ZCWPW1: variants seen among roughly 807,000 people sequenced by gnomAD.
The protein encoded by ZCWPW1 is zinc finger CW-type PWWP domain protein 1.
A neutral mutation model predicts 81.3 loss-of-function variants in ZCWPW1; 56 were observed. The ratio of observed to expected loss-of-function variants is 0.69; its 90% CI spans 0.56 to 0.86. The LOEUF is 0.86. Ranked by LOEUF, ZCWPW1 falls within the 40% of genes least tolerant of loss-of-function variation. The pLI, the probability that ZCWPW1 is intolerant of heterozygous loss-of-function variation, is 0.00. For synonymous variants in ZCWPW1, 250 were observed against 273.7 expected (o/e 0.91, Z 0.86); for missense variants, 650 against 769.8 (o/e 0.84, Z 1.84).
intron 4 of ZCWPW1, 115 bp from the exon 5 acceptor site, chr7:100,419,304 G>T: frequency 1.1e-6 from 1 of 887,890 alleles, no homozygotes; most frequent in Non-Finnish European, 1.7e-6. Context: ...CGGAAGGCAT[G>T]CAGTCAGCAT....
At position 100,409,502 on chromosome 7, in the gene ZCWPW1, C is replaced by T. The variant is rs1450524791; in HGVS notation, c.797G>A (p.Gly266Glu). ...GTTCCCACACAGCCGCCTCCATTTC[C>T]CACAGTTTGGGAAGGAACACTGGAC... ...VWVQCSFPNCGKWRRLCGNID... is the reference protein window; with the variant it reads ...VWVQCSFPNCEKWRRLCGNID... Residue 266 changes from glycine (G) to glutamate (E), a missense_variant, in exon 9 of 18, where the codon GGG becomes GAG. Coordinates refer to ENST00000684423, the MANE Select transcript of ZCWPW1 (RefSeq NM_001386010.1). The T allele has an allele frequency of 5.0e-6, 8 of 1,614,088 alleles. No homozygotes were observed. The East Asian group carries it at 1.8e-4, about 36-fold the overall frequency.
In ZCWPW1 at chr7:100,417,087, G is replaced by A. The variant is rs375547579; in HGVS notation, c.458C>T (p.Thr153Ile). The A allele has an allele frequency of 2.5e-6, 4 of 1,613,966 alleles. No individual in the cohort carries two copies. Among genetic ancestry groups the A allele is most frequent in the Non-Finnish European group, 2.5e-6 (3 of 1,179,898 alleles). The change falls in exon 6 of 18, where the codon ACT becomes ATT. Residue 153 changes from threonine (T) to isoleucine (I), a missense_variant. Coordinates refer to ENST00000684423, the MANE Select transcript of ZCWPW1 (RefSeq NM_001386010.1). The part of the protein sequence containing the change: ...DKEPGITASA[T>I]DTDNANGEEV... ...TTACCCATTAGCATTATCAGTATCA[G>A]TAGCAGAAGCAGTAATTCCTGGCTC...
chr7:100,419,578 G>A (rs1338682538), intron 4 of ZCWPW1, 52 bp downstream of exon 4: 1 of 1,553,068 alleles, frequency 6.4e-7, no homozygotes. Flanking sequence ...GCCTGAGCCA[G>A]GGGTAAGGTA....
At chr7:100,407,394 A>G (rs966376772) in intron 10 of ZCWPW1, 91 bp from the exon 11 acceptor site, 2 of 1,197,226 alleles carry the variant, frequency 1.7e-6, no homozygotes, top group Non-Finnish European at 2.4e-6. Context: ...AGAGAAGAGC[A>G]GTATGATTTT....
At position 100,416,313 on chromosome 7, in the gene ZCWPW1, T is replaced by C; in HGVS notation, c.623A>G (p.Lys208Arg). 6.2e-7 allele frequency: 1 copy of C among 1,614,054 alleles called. No homozygotes were observed. The highest frequency in any genetic ancestry group is 8.5e-7 in the Non-Finnish European group (1 of 1,180,000). The change falls in exon 7 of 18, where the codon AAG becomes AGG. Residue 208 changes from lysine to arginine, a missense_variant. Physicochemically the swap from Lys to Arg is conservative, Grantham distance 26. Coordinates refer to ENST00000684423, the MANE Select transcript of ZCWPW1 (RefSeq NM_001386010.1). ...SNRLTLSKRK[K>R]EAQDEKVEKT... ...TATCTGACTGTACTTACGAGCTTCC[T>C]TCTTTCTTTTGCTTAAGGTGAGTCT...
intron 1 of ZCWPW1, among the ~76,000 whole-genome samples, chr7:100,426,037 CT>C (rs1176997100): frequency 6.6e-6 from 1 of 152,164 alleles, no homozygotes; most frequent in Non-Finnish European, 1.5e-5. Flanking sequence ...GTAATTCTCT[CT>C]CCCCACACAC....
At chr7:100,417,311 C>T in intron 5 of ZCWPW1, 128 bp from the exon 6 acceptor site, 1 of 614,584 alleles carries the variant, frequency 1.6e-6, no homozygotes, top group Non-Finnish European at 2.8e-6. Flanking sequence ...TATCACAGAA[C>T]TTTAAATATT....
At chr7:100,402,126 T>G in intron 16 of ZCWPW1, 85 bp from the exon 17 acceptor site, 1 of 1,498,534 alleles carries the variant, frequency 6.7e-7, no homozygotes, top group South Asian at 1.3e-5. Context: ...GTTTCTGCCC[T>G]GCCCCACATC....
intron 8 of ZCWPW1, among the ~76,000 whole-genome samples, chr7:100,414,486 G>A (rs1027578549): frequency 1.3e-5 from 2 of 152,138 alleles, no homozygotes; most frequent in East Asian, 1.9e-4. Flanking sequence ...CACAATCATC[G>A]CTCACTGCAG....
chr7:100,408,736 A>T, intron 9 of ZCWPW1, 77 bp from the exon 10 acceptor site: 1 of 1,535,862 alleles, frequency 6.5e-7, no homozygotes, highest in Non-Finnish European at 8.7e-7. Context: ...CTGGGGAGAG[A>T]ACAAGAAGGA....
intron 8 of ZCWPW1, among the ~76,000 whole-genome samples, chr7:100,410,193 C>T (rs528607544): frequency 1.3e-5 from 2 of 152,274 alleles, no homozygotes; most frequent in South Asian, 2.1e-4. Flanking sequence ...GACCCATGTC[C>T]CTCAGCCTCT....
chr7:100,424,349 C>T (rs1411763759), intron 2 of ZCWPW1, among the ~76,000 whole-genome samples: 1 of 152,074 alleles, frequency 6.6e-6, no homozygotes, highest in East Asian at 1.9e-4. Flanking sequence ...ATCAAAATGC[C>T]TCTGGGGAGT....
At chr7:100,411,027 ATTGAG>A (rs1427464011) in intron 8 of ZCWPW1, among the ~76,000 whole-genome samples, 1 of 152,250 alleles carries the variant, frequency 6.6e-6, no homozygotes, top group Non-Finnish European at 1.5e-5. Context: ...CACTCAAGCA[ATTGAG>A]TTGACAGAGA....
intron 8 of ZCWPW1, among the ~76,000 whole-genome samples, chr7:100,414,130 T>A (rs1417778233): frequency 6.6e-6 from 1 of 152,258 alleles, no homozygotes; most frequent in African/African-American, 2.4e-5. Flanking sequence ...ATTAGACTTA[T>A]ACCTCAGTGC....
In ZCWPW1 at chr7:100,417,173, A is replaced by G; in HGVS notation, c.372T>C (p.Ser124=). Residue 124 remains serine, a synonymous_variant, in exon 6 of 18, where the codon TCT becomes TCC. Transcript: ENST00000684423. ...AAGAAGTCTCTGCAAAATCAAGGCC[A>G]GATCCCATCCCTCCCAAAACAAAAT... is the stretch of plus-strand genomic sequence containing the variant. ...KSLQECLGMG[S]GLDFAETSCA... The G allele has an allele frequency of 1.9e-6, 3 of 1,613,894 alleles. No homozygotes were observed. Among genetic ancestry groups the G allele is most frequent in the Non-Finnish European group, 2.5e-6 (3 of 1,179,872 alleles).
chr7:100,402,643 G>A lies in ZCWPW1; in HGVS notation c.1414-67C>T. ...GCCCCTAACTGTTTTTAATAGAGAA[G>A]GATGCTACAGAATGACAGGTGGGCT... On this transcript the variant is annotated intron_variant, in intron 15 of 17. Transcript: ENST00000684423. The A allele has an allele frequency of 2.0e-6, 3 of 1,493,698 alleles. No individual in the cohort carries two copies. The South Asian group carries it at 3.4e-5, about 17-fold the overall frequency. 92.5% of individuals were successfully genotyped at this position (1,493,698 alleles called of 1,614,324 possible).
chr7:100,417,243 T>C, intron 5 of ZCWPW1, 60 bp from the exon 6 acceptor site: 1 of 1,330,158 alleles, frequency 7.5e-7, no homozygotes, highest in Admixed American at 1.9e-5. Flanking sequence ...ACTCTATTAC[T>C]CCCTAACATT....
chr7:100,420,101 A>G (rs1050002829), intron 3 of ZCWPW1, among the ~76,000 whole-genome samples: 1 of 152,232 alleles, frequency 6.6e-6, no homozygotes, highest in Non-Finnish European at 1.5e-5. Flanking sequence ...TTACAAGGCT[A>G]GTTGATTCTG....
Position 100,416,353 on chromosome 7 carries a change from T to A in ZCWPW1, c.583A>T (p.Lys195Ter). Residue 195 changes from lysine to a stop codon, truncating the protein, a stop_gained, in exon 7 of 18, where the codon AAG becomes TAG. Coordinates refer to ENST00000684423, the MANE Select transcript of ZCWPW1 (RefSeq NM_001386010.1). LOFTEE classifies it high-confidence loss of function. ...AAGGTGAGTCTATTGGATTTCTTCT[T>A]AGAGGGTGCAGGATCTGGCTGGCCT... ...KLGQPDPAPS[K>*]KKSNRLTLSK... 6.2e-7 allele frequency: 1 copy of A among 1,614,200 alleles called. No individual in the cohort carries two copies. The highest frequency in any genetic ancestry group is 2.2e-5 in the East Asian group (1 of 44,888).
Sources: gnomAD v4.1 joint callset for allele counts (sites outside exome capture counted in the v4.1 genomes callset) on GRCh38, gnomAD v4.1.1 for gene constraint, MANE v1.5 for transcripts, NCBI Gene and HGNC (gene_info 2026-07-23, HGNC 2026-07-21) for gene names.